The following P3H1 variants were observed in gnomAD, a reference collection of about 807,000 sequenced individuals.
P3H1 encodes prolyl 3-hydroxylase 1.
In P3H1, 69 loss-of-function variants were observed where a neutral mutation model predicts 84.0. The observed-to-expected ratio is 0.82, with a 90% CI of 0.68 to 1.00. P3H1 has a LOEUF of 1.00. Ranked by LOEUF, P3H1 falls within the 50% of genes least tolerant of loss-of-function variation. The pLI, the probability that P3H1 is intolerant of heterozygous loss-of-function variation, is 0.00. For missense variants in P3H1, 878 were observed against 962.8 expected (o/e 0.91, Z 1.17); for synonymous variants, 366 against 388.8 (o/e 0.94, Z 0.69).
chr1:42,751,765 C>T (rs1165555635), intron 10 of P3H1: 1 of 191,726 alleles, frequency 5.2e-6, no homozygotes, highest in South Asian at 1.1e-4. Context: ...AAACCTCTTT[C>T]TTTTGTAAAT....
At chr1:42,755,040 TC>T (rs1433958966) in intron 7 of P3H1, 50 bp from the exon 8 acceptor site, 1 of 1,613,882 alleles carries the variant, frequency 6.2e-7, no homozygotes, top group African/African-American at 1.3e-5. Context: ...AGCCCTGGGC[TC>T]CACCCCGACT....
chr1:42,748,445 T>A, intron 11 of P3H1, 128 bp from the exon 12 acceptor site: 1 of 784,602 alleles, frequency 1.3e-6, no homozygotes, highest in Non-Finnish European at 2.3e-6. Context: ...TAGGGGGGTG[T>A]CTTTGGCTAA....
chr1:42,750,296 A>T lies in P3H1; in HGVS notation c.1610T>A (p.Leu537Gln). 1 of 1,614,104 alleles carries T rather than the reference A, an allele frequency of 6.2e-7. No homozygotes were observed. The highest frequency in any genetic ancestry group is 8.5e-7 in the Non-Finnish European group (1 of 1,180,012). Residue 537 changes from leucine to glutamine, a missense_variant, in exon 11 of 15, where the codon CTG becomes CAG. Transcript: ENST00000296388. The part of the protein sequence containing the change: ...EGKVPLQSAH[L>Q]YYNVTEKVRR... ...CACCTTCTCCGTCACGTTGTAGTAC[A>T]GGTGGGCACTCTGCAGAGGAACTTT...
chr1:42,764,125 C>A (rs989552775), intron 1 of P3H1, among the ~76,000 whole-genome samples: 1 of 151,520 alleles, frequency 6.6e-6, no homozygotes, highest in African/African-American at 2.4e-5. Flanking sequence ...AGCGAAACTC[C>A]GTCTCAAAAG....
At chr1:42,763,225 T>A (rs1016324251) in intron 1 of P3H1, among the ~76,000 whole-genome samples, 21 of 151,334 alleles carry the variant, frequency 1.4e-4, no homozygotes, top group Non-Finnish European at 2.7e-4. Context: ...TAGAAAAAAA[T>A]TTTTTTTTGC....
At chr1:42,755,714 C>A in intron 5 of P3H1, 77 bp from the exon 6 acceptor site, 1 of 1,070,588 alleles carries the variant, frequency 9.3e-7, no homozygotes, top group Middle Eastern at 2.0e-4. Flanking sequence ...CTCCCTGGCA[C>A]CCCACACTGA....
intron 11 of P3H1, 111 bp downstream of exon 11, chr1:42,750,075 C>T: frequency 1.5e-6 from 2 of 1,304,444 alleles, no homozygotes; most frequent in Non-Finnish European, 2.1e-6. Flanking sequence ...TACATTGGTT[C>T]CCCAACTGAA....
chr1:42,754,590 C>T lies in P3H1; in HGVS notation c.1345+279G>A, dbSNP rs1215387850. Among the ~76,000 whole-genome samples the T allele has an allele frequency of 1.3e-5, 2 of 152,028 alleles. No homozygotes were observed. The highest frequency in any genetic ancestry group is 1.9e-4 in the East Asian group (1 of 5,170). ...CTGGATTCAAACTCCTGGGCTCAAG[C>T]GATCCTCCTGCCTCAGCCTGCCAAG... On this transcript the variant is annotated intron_variant, in intron 8 of 14. Transcript: ENST00000296388. The surrounding 1 kb of genome is among the most constrained non-coding windows in gnomAD (Gnocchi z 4.0).
At position 42,755,188 on chromosome 1, in the gene P3H1, G is replaced by A. The variant is rs772320439; in HGVS notation, c.1200C>T (p.Pro400=). The change falls in exon 7 of 15, where the codon CCC becomes CCT. Residue 400 remains proline (P), a synonymous_variant. Coordinates refer to ENST00000296388, the MANE Select transcript of P3H1 (RefSeq NM_022356.4). ...ACTTCTGTTTCTCTTGCAATCTCTTGGGAATCACTTCTTCTGGAGTCCATG... is the reference window on the plus strand; with the variant it reads ...ACTTCTGTTTCTCTTGCAATCTCTTAGGAATCACTTCTTCTGGAGTCCATG... ...PDSWTPEEVI[P]KRLQEKQKSE... The A allele has an allele frequency of 6.2e-7, 1 of 1,614,092 alleles. No individual in the cohort carries two copies. Among genetic ancestry groups the A allele is most frequent in the Non-Finnish European group, 8.5e-7 (1 of 1,179,972 alleles).
intron 2 of P3H1, chr1:42,760,976 CT>C (rs34698953): frequency 7.9e-4 from 83 of 104,430 alleles, no homozygotes; most frequent in East Asian, 1.7e-3. Context: ...AAAAGTCATT[CT>C]TTTTTTTTTT....
chr1:42,759,422 C>T, intron 2 of P3H1, 32 bp from the exon 3 acceptor site: 1 of 1,602,720 alleles, frequency 6.2e-7, no homozygotes, highest in East Asian at 2.2e-5. Flanking sequence ...CAAATGCAGG[C>T]CACAGAGGAG....
rs186025181 is a variant in P3H1 at position 42,749,145 on chromosome 1, C to T, written c.1721-828G>A. 4.4e-3 allele frequency among the ~76,000 whole-genome samples: 664 copies of T among 152,378 alleles called. 3 individuals are homozygous for T. Among genetic ancestry groups the T allele is most frequent in the African/African-American group, 0.015 (643 of 41,590 alleles). On this transcript the variant is annotated intron_variant, in intron 11 of 14. Transcript: ENST00000296388. Reference sequence around the variant, plus strand: ...ATGAATCCTTTAAAAGTCAAGGCCTCACCACGTCCTTCACTGCTTGATGAG... The same window carrying T: ...ATGAATCCTTTAAAAGTCAAGGCCTTACCACGTCCTTCACTGCTTGATGAG...
In P3H1 at chr1:42,746,667, T is replaced by C. The variant is rs1297151484; in HGVS notation, c.*30A>G. Reference sequence around the variant, plus strand: ...GCAGAAGAGTTCCTCTCCATGGGTCTAGTCACCCATCCGTCTGACCTGGAC... The same window carrying C: ...GCAGAAGAGTTCCTCTCCATGGGTCCAGTCACCCATCCGTCTGACCTGGAC... On this transcript the variant is annotated 3_prime_UTR_variant, in exon 15 of 15. Transcript: ENST00000296388. 1 of 1,506,914 alleles carries C rather than the reference T, an allele frequency of 6.6e-7. No individual in the cohort carries two copies. The highest frequency in any genetic ancestry group is 2.5e-5 in the East Asian group (1 of 40,686). The allele number at this position is 1,506,914 out of a possible 1,614,324, so 93.3% of individuals were successfully genotyped here. A position where few individuals can be genotyped will look rare whatever the true frequency, so the allele number is the denominator to read the frequency against.
chr1:42,766,013 C>T (rs1460652360), intron 1 of P3H1, among the ~76,000 whole-genome samples: 1 of 87,842 alleles, frequency 1.1e-5, no homozygotes, highest in Admixed American at 1.1e-4. Context: ...AGGGTCCCCC[C>T]CCCGCCCCCA....
At chr1:42,756,142 G>A (rs1570469801) in intron 5 of P3H1, among the ~76,000 whole-genome samples, 1 of 152,312 alleles carries the variant, frequency 6.6e-6, no homozygotes. Flanking sequence ...TGTCTAAGGT[G>A]ACACTACAGG....
At position 42,747,254 on chromosome 1, in the gene P3H1, CGCTCGA is replaced by C. The variant is rs746273285; in HGVS notation, c.2055+12_2055+17del. The C allele has an allele frequency of 1.9e-6, 3 of 1,613,518 alleles. No individual in the cohort carries two copies. The South Asian group carries it at 3.3e-5, about 18-fold the overall frequency. On this transcript the variant is annotated intron_variant, in intron 14 of 14. Transcript: ENST00000296388. ...CACCACAGCACCAGCTGCTCTCACCCGCTCGAGCTGCTCTCACCCGCTCGCTGTGTC... is the reference window on the plus strand; with the variant it reads ...CACCACAGCACCAGCTGCTCTCACCCGCTGCTCTCACCCGCTCGCTGTGTC...
intron 2 of P3H1, chr1:42,760,635 CCACGCCCGGCCAA>C (rs1652658635): frequency 6.6e-6 from 1 of 152,176 alleles, no homozygotes; most frequent in Non-Finnish European, 1.5e-5. Flanking sequence ...GCATGAGCCA[CCACGCCCGGCCAA>C]CACAACTTAC....
chr1:42,751,565 TA>T (rs67312126), intron 10 of P3H1: 955 of 85,836 alleles, frequency 0.011, 15 homozygotes, highest in African/African-American at 0.037. Flanking sequence ...GAATGATCAA[TA>T]AAAAAAAAAT....
At position 42,766,985 on chromosome 1, in the gene P3H1, C is replaced by G; in HGVS notation, c.-14G>C. ...GCGTACCGCCATCGCTCCCTCAGAC[C>G]TAACGGAACCGCCAGCCACCCGCCA... On this transcript the variant is annotated 5_prime_UTR_variant, in exon 1 of 15. Transcript: ENST00000296388. 6.2e-7 allele frequency: 1 copy of G among 1,604,650 alleles called. No homozygotes were observed.
Sources: gnomAD v4.1 joint callset for allele counts (sites outside exome capture counted in the v4.1 genomes callset) on GRCh38, gnomAD v4.1.1 for gene constraint, Gnocchi (gnomAD v3.1) non-coding constraint, MANE v1.5 for transcripts, NCBI Gene and HGNC (gene_info 2026-07-23, HGNC 2026-07-21) for gene names.